The following DAPK1 variants were observed in gnomAD, a reference collection of about 807,000 sequenced individuals.
The protein encoded by DAPK1 is death associated protein kinase 1, also known as death-associated protein kinase 1.
A neutral mutation model predicts 144.9 loss-of-function variants in DAPK1; 56 were observed. That is an observed-to-expected ratio of 0.39 (90% CI 0.31 to 0.48). The LOEUF is 0.48. DAPK1 is among the 20% of genes least tolerant of loss of function. The pLI, the probability that DAPK1 is intolerant of heterozygous loss-of-function variation, is 0.95. For missense variants in DAPK1, 1,454 were observed against 1,875.4 expected, an observed-to-expected ratio of 0.78 and a Z score of 4.15; for synonymous variants, 690 against 749.0, an observed-to-expected ratio of 0.92 and a Z score of 1.29.
chr9:87,522,408 G>A (rs916483242), intron 2 of DAPK1, among the ~76,000 whole-genome samples: 5 of 152,026 alleles, frequency 3.3e-5, no homozygotes, highest in African/African-American at 1.2e-4. Flanking sequence ...TACTGAAATC[G>A]TAGCATGTTA....
At chr9:87,508,682 C>T (rs1027325028) in intron 2 of DAPK1, among the ~76,000 whole-genome samples, 1 of 152,182 alleles carries the variant, frequency 6.6e-6, no homozygotes, top group African/African-American at 2.4e-5. Context: ...CAACCCCTGA[C>T]ACCTGACCCA....
intron 3 of DAPK1, among the ~76,000 whole-genome samples, chr9:87,630,141 C>T (rs1829622998): frequency 1.3e-5 from 2 of 152,146 alleles, no homozygotes; most frequent in African/African-American, 4.8e-5. Context: ...GCTGCCCAGC[C>T]AACCCTTCCT....
chr9:87,546,113 A>T (rs1431796641), intron 2 of DAPK1, among the ~76,000 whole-genome samples: 1 of 152,004 alleles, frequency 6.6e-6, no homozygotes, highest in East Asian at 1.9e-4. Flanking sequence ...TCCTGTGGTG[A>T]GATTGGGTGG....
At chr9:87,522,113 T>G (rs1053640541) in intron 2 of DAPK1, among the ~76,000 whole-genome samples, 6 of 152,232 alleles carry the variant, frequency 3.9e-5, no homozygotes, top group African/African-American at 9.6e-5. Flanking sequence ...ATAAATTGCT[T>G]TTATTTATAA....
intron 2 of DAPK1, among the ~76,000 whole-genome samples, chr9:87,584,554 A>G (rs1177213139): frequency 6.6e-6 from 1 of 152,106 alleles, no homozygotes; most frequent in East Asian, 1.9e-4. Flanking sequence ...GGCTGTGCTA[A>G]TTTGCACTCT....
intron 16 of DAPK1, among the ~76,000 whole-genome samples, chr9:87,650,842 T>TG (rs1282616193): frequency 6.6e-6 from 1 of 152,164 alleles, no homozygotes; most frequent in African/African-American, 2.4e-5. Context: ...CTACTAAACA[T>TG]CCTGCAGCTC....
In DAPK1 at chr9:87,679,529, G is replaced by T. The variant is rs185648311; in HGVS notation, c.2002-1875G>T. Among the ~76,000 whole-genome samples, 3 of 152,250 alleles carry T rather than the reference G, an allele frequency of 2.0e-5. No individual in the cohort carries two copies. The East Asian group carries it at 5.8e-4, about 29-fold the overall frequency. ...ACGTAAACCTTGAGCAGGTTCCCTT[G>T]GGTGCACTGAACGCCTTGCCTACAC... On this transcript the variant is annotated intron_variant, in intron 19 of 25. Transcript: ENST00000408954.
chr9:87,632,483 A>T, intron 3 of DAPK1: 1 of 980,742 alleles, frequency 1.0e-6, no homozygotes, highest in Non-Finnish European at 1.2e-6. Context: ...AAGGGTGATC[A>T]GTATATATGT....
chr9:87,540,640 AAGGGGAACTACG>A (rs1333675401), intron 2 of DAPK1, among the ~76,000 whole-genome samples: 1 of 152,186 alleles, frequency 6.6e-6, no homozygotes, highest in Non-Finnish European at 1.5e-5. Flanking sequence ...CCTGTGAGTA[AAGGGGAACTACG>A]AGGTAACCTT....
intron 3 of DAPK1, among the ~76,000 whole-genome samples, chr9:87,610,179 G>T (rs1379568658): frequency 6.6e-6 from 1 of 152,202 alleles, no homozygotes; most frequent in Non-Finnish European, 1.5e-5. Flanking sequence ...TGCTTCACTG[G>T]AGAATCATTC....
chr9:87,534,246 GT>G (rs768580976), intron 2 of DAPK1, among the ~76,000 whole-genome samples: 3 of 91,152 alleles, frequency 3.3e-5, no homozygotes, highest in Middle Eastern at 5.6e-3. Flanking sequence ...CATTTTGACA[GT>G]TTTTTTTTTT....
intron 17 of DAPK1, among the ~76,000 whole-genome samples, chr9:87,652,097 C>T (rs1294043114): frequency 6.7e-6 from 1 of 148,500 alleles, no homozygotes; most frequent in Non-Finnish European, 1.5e-5. Flanking sequence ...ATTCTGTGTC[C>T]ATCCCCCCGA....
At chr9:87,584,680 G>GTGTGTGTA (rs1181724289) in intron 2 of DAPK1, among the ~76,000 whole-genome samples, 2 of 131,094 alleles carry the variant, frequency 1.5e-5, no homozygotes, top group African/African-American at 5.0e-5. Flanking sequence ...GTGTGTGTGT[G>GTGTGTGTA]TGTGTGTGTG....
intron 2 of DAPK1, among the ~76,000 whole-genome samples, chr9:87,596,707 G>A (rs181128619): frequency 5.3e-5 from 8 of 152,266 alleles, no homozygotes; most frequent in South Asian, 4.1e-4. Context: ...TTTCTGTGTC[G>A]AATCCTTCCT....
At chr9:87,698,817 C>G (rs753781944) in intron 23 of DAPK1, 23 bp downstream of exon 23, 10 of 1,520,066 alleles carry the variant, frequency 6.6e-6, no homozygotes, top group Non-Finnish European at 6.4e-6. Context: ...CACTTAGTCT[C>G]CAGCTCACGG....
At chr9:87,636,957 G>A (rs1829918375) in intron 3 of DAPK1, among the ~76,000 whole-genome samples, 1 of 152,264 alleles carries the variant, frequency 6.6e-6, no homozygotes, top group Non-Finnish European at 1.5e-5. Flanking sequence ...CTGGCGGGGA[G>A]TGGGGCATAC....
chr9:87,556,508 A>T (rs13301152), intron 2 of DAPK1, among the ~76,000 whole-genome samples: 2,643 of 152,320 alleles, frequency 0.017, 22 homozygotes, highest in Middle Eastern at 0.061. Context: ...TTCTGGCCAC[A>T]TCAGTGAATG....
At chr9:87,679,106 G>A (rs1210765409) in intron 19 of DAPK1, among the ~76,000 whole-genome samples, 3 of 116,126 alleles carry the variant, frequency 2.6e-5, no homozygotes, top group East Asian at 2.5e-4. Flanking sequence ...GTGCCCTTGC[G>A]TGGGTCCCTC....
chr9:87,557,852 A>G (rs1826774528), intron 2 of DAPK1, among the ~76,000 whole-genome samples: 1 of 152,140 alleles, frequency 6.6e-6, no homozygotes, highest in Admixed American at 6.5e-5. Context: ...GAGGCTTGAG[A>G]ATCACCTGAA....
Sources: allele counts gnomAD v4.1 joint callset (sites outside exome capture counted in the v4.1 genomes callset), GRCh38; gene constraint gnomAD v4.1.1; transcripts MANE v1.5; gene names NCBI Gene and HGNC (gene_info 2026-07-23, HGNC 2026-07-21).